The following GMDS variants were observed in gnomAD, a reference collection of about 807,000 sequenced individuals.
The protein encoded by GMDS is GDP-mannose 4,6 dehydratase.
In GMDS, 20 loss-of-function variants were observed where a neutral mutation model predicts 49.9. The ratio of observed to expected loss-of-function variants is 0.40; its 90% CI spans 0.28 to 0.58. The LOEUF (loss-of-function observed/expected upper bound fraction) is 0.58. Ranked by LOEUF, GMDS falls within the 20% of genes least tolerant of loss-of-function variation. The probability of loss-of-function intolerance (pLI) is 0.42; values close to 1 mark genes in which losing one functional copy is unlikely to be tolerated. For missense variants in GMDS, 362 were observed against 481.4 expected (o/e 0.75, Z 2.32); for synonymous variants, 177 against 178.6 (o/e 0.99, Z 0.07).
At chr6:1,949,605 C>A (rs887190104) in intron 6 of GMDS, among the ~76,000 whole-genome samples, 2 of 152,188 alleles carry the variant, frequency 1.3e-5, no homozygotes, top group Non-Finnish European at 2.9e-5. Context: ...AGCAATTACA[C>A]CTCATCTCTC....
At chr6:1,663,553 C>T (rs774509296) in intron 9 of GMDS, among the ~76,000 whole-genome samples, 6 of 152,116 alleles carry the variant, frequency 3.9e-5, no homozygotes, top group Non-Finnish European at 8.8e-5. Context: ...ACACGGCGGC[C>T]CTCCTCCTCA....
At chr6:1,808,628 T>C (rs897203650) in intron 7 of GMDS, among the ~76,000 whole-genome samples, 1 of 152,202 alleles carries the variant, frequency 6.6e-6, no homozygotes, top group Non-Finnish European at 1.5e-5. Flanking sequence ...GCCAGGTACA[T>C]ACATACAATG....
intron 7 of GMDS, among the ~76,000 whole-genome samples, chr6:1,835,079 G>C (rs1160430246): frequency 2.0e-5 from 3 of 152,046 alleles, no homozygotes; most frequent in Non-Finnish European, 2.9e-5. Flanking sequence ...AGGGAAGGAG[G>C]GAGGGAATAT....
At chr6:2,096,356 A>G (rs1208724173) in intron 4 of GMDS, among the ~76,000 whole-genome samples, 2 of 152,320 alleles carry the variant, frequency 1.3e-5, no homozygotes, top group East Asian at 1.9e-4. Context: ...TTCCAAGTAA[A>G]AACATATATA....
intron 7 of GMDS, among the ~76,000 whole-genome samples, chr6:1,818,378 C>T (rs545944723): frequency 3.9e-5 from 6 of 151,958 alleles, no homozygotes; most frequent in East Asian, 3.9e-4. Context: ...GAGGCCGAGG[C>T]GGGTGGATCA....
rs774418404 is a variant in GMDS at position 1,635,583 on chromosome 6, C to T, written c.988-11043G>A. Among the ~76,000 whole-genome samples the T allele has an allele frequency of 7.9e-5, 12 of 152,172 alleles. No homozygotes were observed. The highest frequency in any genetic ancestry group is 1.3e-4 in the Non-Finnish European group (9 of 68,030). On this transcript the variant is annotated intron_variant, in intron 9 of 10. Coordinates refer to ENST00000380815, the MANE Select transcript of GMDS (RefSeq NM_001500.4). The surrounding 1 kb of genome is among the most constrained non-coding windows in gnomAD (Gnocchi z 4.7). Reference sequence around the variant, plus strand: ...TGGGGACTCCGAGGGCGACACTGTGCGGCGACCCTTGGCAGGTGCTTTGTT... The same window carrying T: ...TGGGGACTCCGAGGGCGACACTGTGTGGCGACCCTTGGCAGGTGCTTTGTT...
Position 2,191,234 on chromosome 6 carries a change from C to T in GMDS, c.102+54087G>A, listed in dbSNP as rs923147486. The stretch of plus-strand genomic sequence containing the variant: ...CCTGACACTCCCGACCCGCTATCCG[C>T]TCCTGGAGGCACCCCCTGGGGAAGG... On this transcript the variant is annotated intron_variant, in intron 1 of 10. Coordinates refer to ENST00000380815, the MANE Select transcript of GMDS (RefSeq NM_001500.4). This position sits in a 1 kb window ranked among gnomAD's most constrained non-coding sequence, Gnocchi z 4.6. Among the ~76,000 whole-genome samples the T allele has an allele frequency of 1.3e-5, 2 of 152,198 alleles. No individual in the cohort carries two copies. The highest frequency in any genetic ancestry group is 2.9e-5 in the Non-Finnish European group (2 of 68,016).
intron 7 of GMDS, among the ~76,000 whole-genome samples, chr6:1,913,391 A>G (rs1200879681): frequency 5.7e-5 from 7 of 123,822 alleles, no homozygotes. Flanking sequence ...AAACAAACAA[A>G]AAAAAAAAAA....
rs151048710 is a variant in GMDS at position 2,244,168 on chromosome 6, C to T, written c.102+1153G>A. On this transcript the variant is annotated intron_variant, in intron 1 of 10. Transcript: ENST00000380815. ...TTCAAGTATGAGCCGCTGCCTCCTG[C>T]CCACTTAGCCCTTTCTAACACTAGA... Among the ~76,000 whole-genome samples, 1,146 of 152,206 alleles carry T rather than the reference C, an allele frequency of 7.5e-3. 7 individuals are homozygous for T. The highest frequency in any genetic ancestry group is 0.024 in the Middle Eastern group (7 of 294).
intron 7 of GMDS, among the ~76,000 whole-genome samples, chr6:1,824,240 T>C (rs936319220): frequency 6.6e-5 from 10 of 152,104 alleles, no homozygotes; most frequent in African/African-American, 1.2e-4. Context: ...TGTTGCACCA[T>C]TCCAGGGGCT....
chr6:1,802,138 A>T (rs1396049116), intron 7 of GMDS, among the ~76,000 whole-genome samples: 2 of 152,262 alleles, frequency 1.3e-5, no homozygotes, highest in East Asian at 3.8e-4. Flanking sequence ...GTTTCAGTAG[A>T]TTATTCCAAT....
chr6:1,642,199 C>G (rs1420601281), intron 9 of GMDS, among the ~76,000 whole-genome samples: 1 of 138,574 alleles, frequency 7.2e-6, no homozygotes, highest in African/African-American at 2.7e-5. Flanking sequence ...TAGAGTCTCA[C>G]TCTATCGCCC....
intron 9 of GMDS, among the ~76,000 whole-genome samples, chr6:1,657,557 T>C (rs1453891133): frequency 6.6e-6 from 1 of 152,200 alleles, no homozygotes; most frequent in African/African-American, 2.4e-5. Context: ...AGGACACTGA[T>C]ACCCTCCATT....
chr6:2,075,652 A>C (rs1389426782), intron 4 of GMDS, among the ~76,000 whole-genome samples: 1 of 152,104 alleles, frequency 6.6e-6, no homozygotes, highest in Non-Finnish European at 1.5e-5. Context: ...AATCCAGTCT[A>C]TCATTGTTGG....
chr6:1,916,027 G>A (rs922513073), intron 7 of GMDS, among the ~76,000 whole-genome samples: 2 of 152,218 alleles, frequency 1.3e-5, no homozygotes, highest in Admixed American at 6.5e-5. Flanking sequence ...CACTGCTCAC[G>A]CAGGCTTCGC....
Position 1,742,517 on chromosome 6 carries a change from C to T in GMDS, c.841G>A (p.Val281Ile). Residue 281 changes from valine (V) to isoleucine (I), a missense_variant, in exon 8 of 11, where the codon GTC becomes ATC. Physicochemically the swap from Val to Ile is conservative, Grantham distance 29. Coordinates refer to ENST00000380815, the MANE Select transcript of GMDS (RefSeq NM_001500.4). ...FVIATGEVHS[V>I]REFVEKSFLH... The stretch of plus-strand genomic sequence containing the variant: ...AATGATTTCTCGACAAATTCCCGGA[C>T]ACTATGGACCTCCCCAGTAGCTATA... 13 of 1,612,128 alleles carry T rather than the reference C, an allele frequency of 8.1e-6. No individual in the cohort carries two copies. The highest frequency in any genetic ancestry group is 1.1e-5 in the Non-Finnish European group (13 of 1,178,214).
intron 4 of GMDS, among the ~76,000 whole-genome samples, chr6:2,065,729 T>C (rs1771534875): frequency 6.6e-6 from 1 of 151,974 alleles, no homozygotes; most frequent in African/African-American, 2.4e-5. Context: ...GAAAAAAGAA[T>C]AAAAAGAAAC....
At chr6:1,712,295 C>T (rs1337740836) in intron 9 of GMDS, among the ~76,000 whole-genome samples, 1 of 152,236 alleles carries the variant, frequency 6.6e-6, no homozygotes, top group Non-Finnish European at 1.5e-5. Flanking sequence ...CTAATTTAAC[C>T]TCCCACTACT....
At chr6:1,783,127 C>A (rs540782166) in intron 7 of GMDS, among the ~76,000 whole-genome samples, 1 of 152,166 alleles carries the variant, frequency 6.6e-6, no homozygotes, top group East Asian at 1.9e-4. Context: ...TGCACTCCAG[C>A]CTGGGCAACA....
Sources: gnomAD v4.1 joint callset for allele counts (sites outside exome capture counted in the v4.1 genomes callset) on GRCh38, gnomAD v4.1.1 for gene constraint, Gnocchi (gnomAD v3.1) non-coding constraint, MANE v1.5 for transcripts, NCBI Gene and HGNC (gene_info 2026-07-23, HGNC 2026-07-21) for gene names.